The following FIRRM variants were observed in gnomAD, a reference collection of about 807,000 sequenced individuals.
FIRRM encodes FIGNL1 interacting regulator of recombination and mitosis, also known as FIGNL1-interacting regulator of recombination and mitosis.
At chr1:169,843,770 G>A in the FIRRM span, 1 of 1,568,100 alleles carries the variant, frequency 6.4e-7, no homozygotes, top group South Asian at 1.1e-5. Context: ...GATACTTCAG[G>A]TAAGAATAAT....
the FIRRM span, chr1:169,847,624 C>A: frequency 8.8e-7 from 1 of 1,134,162 alleles, no homozygotes; most frequent in Non-Finnish European, 1.3e-6. Flanking sequence ...AAATCTTAGG[C>A]AGTTATTGTG....
At chr1:169,805,425 G>A in the FIRRM span, among the ~76,000 whole-genome samples, 1 of 152,204 alleles carries the variant, frequency 6.6e-6, no homozygotes, top group African/African-American at 2.4e-5. Context: ...AGTAGCAAAA[G>A]TGTGAGCAGG....
At chr1:169,840,040 T>C in the FIRRM span, among the ~76,000 whole-genome samples, 51 of 152,336 alleles carry the variant, frequency 3.3e-4, no homozygotes, top group East Asian at 7.9e-3. Flanking sequence ...GCTGTAGGTA[T>C]GTGGCTTTAT....
chr1:169,826,080 T>C, the FIRRM span: 1 of 333,522 alleles, frequency 3.0e-6, no homozygotes, highest in Non-Finnish European at 6.2e-6. Flanking sequence ...CAACTTTTTT[T>C]TTCTTTTTTG....
chr1:169,816,204 CT>C, the FIRRM span, among the ~76,000 whole-genome samples: 95,977 of 151,836 alleles, frequency 0.63, 30,725 homozygotes, highest in Middle Eastern at 0.77. Context: ...TTTCCATGAA[CT>C]GGGCAACTGT....
At chr1:169,818,338 C>A in the FIRRM span, among the ~76,000 whole-genome samples, 1 of 152,188 alleles carries the variant, frequency 6.6e-6, no homozygotes, top group Non-Finnish European at 1.5e-5. Flanking sequence ...TGTCCCCAGG[C>A]CTTACCTAGA....
the FIRRM span, among the ~76,000 whole-genome samples, chr1:169,814,616 A>G: frequency 0.066 from 10,081 of 152,304 alleles, 429 homozygotes; most frequent in Non-Finnish European, 0.099. Context: ...AAGAAGTGCC[A>G]CTAGTGATCC....
chr1:169,827,568 G>A, the FIRRM span: 2 of 860,918 alleles, frequency 2.3e-6, no homozygotes, highest in Non-Finnish European at 3.7e-6. Flanking sequence ...AACCCAGACG[G>A]TGGAGGTTGC....
At chr1:169,845,640 T>C in the FIRRM span, among the ~76,000 whole-genome samples, 5 of 152,012 alleles carry the variant, frequency 3.3e-5, no homozygotes, top group African/African-American at 1.2e-4. Flanking sequence ...GGAGTAGTTA[T>C]GTGTCAAGAA....
the FIRRM span, among the ~76,000 whole-genome samples, chr1:169,846,368 G>A: frequency 6.6e-6 from 1 of 152,012 alleles, no homozygotes; most frequent in Admixed American, 6.6e-5. Context: ...AGCTGCATTA[G>A]CCCCCAAGAA....
chr1:169,806,276 G>C, the FIRRM span, among the ~76,000 whole-genome samples: 1 of 151,932 alleles, frequency 6.6e-6, no homozygotes, highest in Non-Finnish European at 1.5e-5. Context: ...TTTACCCTGT[G>C]GCCTCTAAAA....
the FIRRM span, chr1:169,853,610 C>G: frequency 8.1e-7 from 1 of 1,230,462 alleles, no homozygotes; most frequent in Non-Finnish European, 1.2e-6. Flanking sequence ...ATGGGAAAAG[C>G]AGGCCACTTT....
the FIRRM span, among the ~76,000 whole-genome samples, chr1:169,834,926 G>A: frequency 5.3e-5 from 8 of 152,188 alleles, no homozygotes; most frequent in Non-Finnish European, 1.0e-4. Context: ...GTTGTTGGGT[G>A]TTTGTAGCTG....
chr1:169,843,554 G>A, the FIRRM span: 1 of 633,580 alleles, frequency 1.6e-6, no homozygotes, highest in Non-Finnish European at 2.8e-6. Flanking sequence ...CATAAATGAG[G>A]TAATAAATAT....
At chr1:169,801,461 A>G in the FIRRM span, among the ~76,000 whole-genome samples, 4 of 151,192 alleles carry the variant, frequency 2.6e-5, no homozygotes, top group African/African-American at 9.7e-5. Context: ...AAAAAAAAAA[A>G]AAAAAAGAAC....
the FIRRM span, chr1:169,851,054 T>TTTTTTTC: frequency 1.3e-5 from 1 of 77,478 alleles, no homozygotes; most frequent in Non-Finnish European, 2.6e-5. Context: ...CCTTTTTTTT[T>TTTTTTTC]TTTTTTTTTT....
the FIRRM span, among the ~76,000 whole-genome samples, chr1:169,798,453 A>G: frequency 6.6e-6 from 1 of 152,044 alleles, no homozygotes; most frequent in Non-Finnish European, 1.5e-5. Flanking sequence ...TATTTTAAGT[A>G]GAGACGGGTT....
the FIRRM span, among the ~76,000 whole-genome samples, chr1:169,810,815 T>C: frequency 0.034 from 5,104 of 148,408 alleles, 167 homozygotes; most frequent in South Asian, 0.1. Flanking sequence ...AGTTTTAACA[T>C]ATAGTTCTTT....
chr1:169,793,663 G>A, the FIRRM span: 3 of 1,604,310 alleles, frequency 1.9e-6, no homozygotes, highest in Middle Eastern at 1.7e-4. Flanking sequence ...TTTCCAGATG[G>A]TCTTCTATAG....
Sources: gnomAD v4.1 joint callset for allele counts (sites outside exome capture counted in the v4.1 genomes callset) on GRCh38, gnomAD v4.1.1 for gene constraint, MANE v1.5 for transcripts, NCBI Gene and HGNC (gene_info 2026-07-23, HGNC 2026-07-21) for gene names.